RAB40C: variants seen among roughly 807,000 people sequenced by gnomAD.
The protein encoded by RAB40C is ras-related protein Rab-40C.
In RAB40C, 8 loss-of-function variants were observed where a neutral mutation model predicts 28.1. That is an observed-to-expected ratio of 0.28 (90% CI 0.17 to 0.51). The LOEUF (loss-of-function observed/expected upper bound fraction) is 0.51, where lower values mean the gene tolerates loss of function less well. RAB40C is among the 20% of genes least tolerant of loss of function. The probability of loss-of-function intolerance (pLI) is 0.97; values close to 1 mark genes in which losing one functional copy is unlikely to be tolerated. For missense variants in RAB40C, 288 were observed against 405.9 expected (o/e 0.71, Z 2.50); for synonymous variants, 201 against 171.7 (o/e 1.17, Z -1.34).
At chr16:615,406 G>A (rs1010899756) in intron 1 of RAB40C, among the ~76,000 whole-genome samples, 6 of 152,144 alleles carry the variant, frequency 3.9e-5, no homozygotes, top group Non-Finnish European at 5.9e-5. Context: ...GGTGCACTCC[G>A]TGGGAGGGCG....
At chr16:619,845 T>C (rs2036675507) in intron 3 of RAB40C, among the ~76,000 whole-genome samples, 1 of 152,216 alleles carries the variant, frequency 6.6e-6, no homozygotes, top group Non-Finnish European at 1.5e-5. Context: ...ATTTCTACAC[T>C]GAAGTGTAGT....
rs769265595 is a variant in RAB40C, at chr16:627,610, C to T, written c.834C>T (p.Cys278=). 2 of 1,588,490 alleles carry T rather than the reference C, an allele frequency of 1.3e-6. No individual in the cohort carries two copies. Among genetic ancestry groups the T allele is most frequent in the East Asian group, 4.5e-5 (2 of 44,562 alleles). Residue 278 remains cysteine, a synonymous_variant, in exon 6 of 6, where the codon TGC becomes TGT. Transcript: ENST00000248139. ...SPPQNCSRSN[C]KIS is the part of the protein sequence containing the mutation. ...CCCAGAACTGCTCGCGGAGTAACTGCAAGATCTCCTAGCGGGGATGGGCGG... is the reference window on the plus strand; with the variant it reads ...CCCAGAACTGCTCGCGGAGTAACTGTAAGATCTCCTAGCGGGGATGGGCGG...
intron 1 of RAB40C, among the ~76,000 whole-genome samples, chr16:602,505 T>G (rs758992311): frequency 6.6e-6 from 1 of 152,160 alleles, no homozygotes. Context: ...CGATCTTGGC[T>G]CACTGCAACG....
chr16:625,582 T>G (rs544648060), intron 4 of RAB40C, 73 bp downstream of exon 4: 1 of 1,470,472 alleles, frequency 6.8e-7, no homozygotes, highest in African/African-American at 1.4e-5. Context: ...GGGTAGGCTC[T>G]GGATTCCCGC....
intron 1 of RAB40C, among the ~76,000 whole-genome samples, chr16:615,064 C>T (rs1463838659): frequency 6.6e-6 from 1 of 152,214 alleles, no homozygotes; most frequent in East Asian, 1.9e-4. Flanking sequence ...GGAGACCATC[C>T]GTCCATCCTA....
At chr16:598,056 C>T (rs1410515828) in intron 1 of RAB40C, among the ~76,000 whole-genome samples, 3 of 151,488 alleles carry the variant, frequency 2.0e-5, no homozygotes, top group East Asian at 1.9e-4. Flanking sequence ...ACCATCCTGG[C>T]CAACATGATG....
chr16:618,052 G>A, intron 2 of RAB40C, 148 bp from the exon 3 acceptor site: 1 of 721,842 alleles, frequency 1.4e-6, no homozygotes, highest in South Asian at 1.8e-5. Context: ...GACCTGTGCA[G>A]ACAAAGCCGC....
intron 1 of RAB40C, chr16:616,861 C>A (rs1485469260): frequency 2.1e-5 from 7 of 332,996 alleles, no homozygotes; most frequent in Non-Finnish European, 3.4e-5. Context: ...AGGCCCTGTG[C>A]CTTGCACCCA....
intron 1 of RAB40C, among the ~76,000 whole-genome samples, chr16:604,736 G>A (rs1485688517): frequency 6.6e-6 from 1 of 152,236 alleles, no homozygotes; most frequent in African/African-American, 2.4e-5. Flanking sequence ...GGGCAACATA[G>A]TGAGAACTCG....
intron 1 of RAB40C, among the ~76,000 whole-genome samples, chr16:595,847 C>A (rs1374860573): frequency 6.6e-6 from 1 of 152,194 alleles, no homozygotes; most frequent in African/African-American, 2.4e-5. Flanking sequence ...GTGATCCACC[C>A]TCCTCGGCCT....
chr16:622,662 C>T (rs993570518), intron 3 of RAB40C, among the ~76,000 whole-genome samples: 5 of 152,302 alleles, frequency 3.3e-5, no homozygotes, highest in East Asian at 3.9e-4. Context: ...TGCACCACCG[C>T]GTCCAGCTAA....
chr16:614,811 C>G (rs2036555224), intron 1 of RAB40C, among the ~76,000 whole-genome samples: 1 of 152,054 alleles, frequency 6.6e-6, no homozygotes, highest in Non-Finnish European at 1.5e-5. Flanking sequence ...CGACGGTGAA[C>G]TGCCAAACTC....
intron 1 of RAB40C, among the ~76,000 whole-genome samples, chr16:602,313 G>GCTCC (rs2036270027): frequency 6.7e-6 from 1 of 150,242 alleles, no homozygotes; most frequent in Non-Finnish European, 1.5e-5. Flanking sequence ...AGGCTGGAGT[G>GCTCC]CAGTGATCAT....
chr16:608,797 C>G (rs886258696), intron 1 of RAB40C, among the ~76,000 whole-genome samples: 4 of 152,118 alleles, frequency 2.6e-5, no homozygotes, highest in Non-Finnish European at 4.4e-5. Flanking sequence ...CACTTGAACC[C>G]AGAAGGTGGA....
chr16:613,534 C>T (rs925068143), intron 1 of RAB40C, among the ~76,000 whole-genome samples: 8 of 152,226 alleles, frequency 5.3e-5, no homozygotes, highest in Non-Finnish European at 1.2e-4. Context: ...CCCTTTTCTG[C>T]GAGGCTGGAT....
Position 617,213 on chromosome 16 carries a change from GACTACAAGACCACCACCATCC to G in RAB40C, c.149_169del (p.Asp50_Leu57delinsVal). The G allele has an allele frequency of 6.2e-7, 1 of 1,613,868 alleles. No individual in the cohort carries two copies. Among genetic ancestry groups the G allele is most frequent in the Non-Finnish European group, 8.5e-7 (1 of 1,179,998 alleles). ...CGCCCTGTGCTTCCTCGCAGGGATC[GACTACAAGACCACCACCATCC>G]TGCTGGACGGCCGGCGCGTGAAGCT... On this transcript the variant is annotated inframe_deletion, in exon 2 of 6. Coordinates refer to ENST00000248139, the MANE Select transcript of RAB40C (RefSeq NM_021168.5).
At chr16:593,409 C>G (rs1300568645) in intron 1 of RAB40C, among the ~76,000 whole-genome samples, 1 of 152,258 alleles carries the variant, frequency 6.6e-6, no homozygotes, top group African/African-American at 2.4e-5. Flanking sequence ...ATTGCTTTCT[C>G]TCCTTTGTTG....
intron 1 of RAB40C, among the ~76,000 whole-genome samples, chr16:616,099 T>C (rs1008929742): frequency 6.6e-6 from 1 of 151,664 alleles, no homozygotes; most frequent in Non-Finnish European, 1.5e-5. Flanking sequence ...CTACTAAAAA[T>C]ACAAAAAATT....
chr16:625,747 A>G (rs1053891309), intron 4 of RAB40C, 152 bp from the exon 5 acceptor site: 1 of 875,194 alleles, frequency 1.1e-6, no homozygotes, highest in Non-Finnish European at 1.8e-6. Context: ...GTAGGGCCTG[A>G]GCCCTGGGGT....
Sources: gnomAD v4.1 joint callset for allele counts (sites outside exome capture counted in the v4.1 genomes callset) on GRCh38, gnomAD v4.1.1 for gene constraint, MANE v1.5 for transcripts, NCBI Gene and HGNC (gene_info 2026-07-23, HGNC 2026-07-21) for gene names.